The following FAM171B variants were observed in gnomAD, a reference collection of about 807,000 sequenced individuals.
The protein encoded by FAM171B is family with sequence similarity 171 member B.
A neutral mutation model predicts 75.6 loss-of-function variants in FAM171B; 19 were observed. That is an observed-to-expected ratio of 0.25 (90% confidence interval 0.18 to 0.37). FAM171B has a LOEUF of 0.37. Ranked by LOEUF, FAM171B falls within the 10% of genes least tolerant of loss-of-function variation. The pLI is 1.00. For missense variants in FAM171B, 848 were observed against 982.4 expected, an observed-to-expected ratio of 0.86 and a Z score of 1.83; for synonymous variants, 367 against 361.7, an observed-to-expected ratio of 1.01 and a Z score of -0.17.
At chr2:186,758,911 T>C (rs1690573829) in intron 6 of FAM171B, among the ~76,000 whole-genome samples, 1 of 152,112 alleles carries the variant, frequency 6.6e-6, no homozygotes. Context: ...CTAGATCTTA[T>C]TCATTCTAAC....
rs148773125 is a variant in FAM171B at position 186,761,336 on chromosome 2, TTATAA to T, written c.1136+105_1136+109del. 1,095 of 1,455,312 alleles carry T rather than the reference TTATAA, an allele frequency of 7.5e-4. 4 individuals are homozygous for T. The African/African-American group carries it at 0.014, about 18-fold the overall frequency. 90.1% of individuals were successfully genotyped at this position (1,455,312 alleles called of 1,614,324 possible). ...TTTATTTGTAGAAATAAATTTAATC[TTATAA>T]TATATCCTTTTTTATTTTTAATCTA... On this transcript the variant is annotated intron_variant, in intron 7 of 7. Transcript: ENST00000304698.
intron 1 of FAM171B, among the ~76,000 whole-genome samples, chr2:186,710,590 C>T (rs1335140631): frequency 6.6e-6 from 1 of 152,120 alleles, no homozygotes; most frequent in Non-Finnish European, 1.5e-5. Context: ...GGCCCCAACA[C>T]CGTCTGTTTG....
rs57171143 is a variant in FAM171B at position 186,694,748 on chromosome 2, AACACACACACACACACACACAC to A, written c.238+362_238+383del. 8.3e-5 allele frequency among the ~76,000 whole-genome samples: 11 copies of A among 133,308 alleles called. No individual in the cohort carries two copies. In the East Asian group the frequency reaches 1.1e-3, roughly 13 times the overall value. The allele number at this position is 133,308 out of a possible 152,430, so 87.5% of individuals were successfully genotyped here. A position where few individuals can be genotyped will look rare whatever the true frequency, so the allele number is the denominator to read the frequency against. On this transcript the variant is annotated intron_variant, in intron 1 of 7. Coordinates refer to ENST00000304698, the MANE Select transcript of FAM171B (RefSeq NM_177454.4). ...TACCCTCTGCCCTGGGAATGACTGT[AACACACACACACACACACACAC>A]ACACACACACACACACACACACACC...
intron 1 of FAM171B, among the ~76,000 whole-genome samples, chr2:186,709,298 T>A (rs527370808): frequency 3.3e-5 from 5 of 152,166 alleles, no homozygotes; most frequent in Non-Finnish European, 7.3e-5. Context: ...CTTCATCCAG[T>A]AGTCTCTAGA....
At position 186,762,517 on chromosome 2, in the gene FAM171B, A is replaced by T. The variant is rs1320103869; in HGVS notation, c.2175A>T (p.Thr725=). The change falls in exon 8 of 8, where the codon ACA becomes ACT. Residue 725 remains threonine (T), a synonymous_variant. Transcript: ENST00000304698. The surrounding 1 kb of genome is among the most constrained non-coding windows in gnomAD (Gnocchi z 4.0). ...GTAGAAAGCTCGAGAGGGAGAAAAC[A>T]TTCATCAAAAGCATGCATCAGCCCA... ...HSSRKLEREK[T]FIKSMHQPKI... 6 of 1,613,462 alleles carry T rather than the reference A, an allele frequency of 3.7e-6. No homozygotes were observed. Among genetic ancestry groups the T allele is most frequent in the Non-Finnish European group, 5.1e-6 (6 of 1,179,754 alleles).
chr2:186,759,967 G>A (rs1203127239), intron 6 of FAM171B, among the ~76,000 whole-genome samples: 2 of 152,026 alleles, frequency 1.3e-5, no homozygotes, highest in African/African-American at 4.8e-5. Flanking sequence ...TTTGTATATG[G>A]TGAGAGATAA....
chr2:186,711,776 C>T (rs1255630012), intron 1 of FAM171B, among the ~76,000 whole-genome samples: 1 of 152,144 alleles, frequency 6.6e-6, no homozygotes, highest in Admixed American at 6.5e-5. Context: ...TCTGTTGACA[C>T]TTTTTTCTCA....
chr2:186,695,407 A>C (rs1334537425), intron 1 of FAM171B: 1 of 152,218 alleles, frequency 6.6e-6, no homozygotes, highest in African/African-American at 2.4e-5. Flanking sequence ...ATTTTCTGGC[A>C]CGAGGGCTTA....
chr2:186,697,078 C>T (rs542526435), intron 1 of FAM171B, among the ~76,000 whole-genome samples: 32 of 152,040 alleles, frequency 2.1e-4, no homozygotes, highest in African/African-American at 7.0e-4. Flanking sequence ...AGCATTTGTT[C>T]GTCTTCATTG....
intron 1 of FAM171B, 145 bp downstream of exon 1, chr2:186,694,556 T>G (rs1053093127): frequency 1.6e-6 from 2 of 1,212,332 alleles, no homozygotes; most frequent in Non-Finnish European, 2.2e-6. Flanking sequence ...CCAGACTGGC[T>G]GCCCAGCCTT....
intron 1 of FAM171B, among the ~76,000 whole-genome samples, chr2:186,701,203 G>T (rs1439134304): frequency 1.3e-5 from 2 of 152,126 alleles, no homozygotes; most frequent in Admixed American, 1.3e-4. Flanking sequence ...TTACAGATGT[G>T]AGCTACTGCA....
chr2:186,755,884 T>C lies in FAM171B; in HGVS notation c.1012+1835T>C, dbSNP rs993879633. ...TATTTATTCAGAAATCAGAGGGTGG[T>C]TACTTTTGCTTTTCATGATGCAAAA... On this transcript the variant is annotated intron_variant, in intron 6 of 7. Coordinates refer to ENST00000304698, the MANE Select transcript of FAM171B (RefSeq NM_177454.4). Among the ~76,000 whole-genome samples the C allele has an allele frequency of 3.3e-5, 5 of 152,316 alleles. 1 individual carries two copies. The highest frequency in any genetic ancestry group is 3.3e-4 in the Admixed American group (5 of 15,292).
At chr2:186,709,717 C>G (rs1223133141) in intron 1 of FAM171B, among the ~76,000 whole-genome samples, 2 of 152,164 alleles carry the variant, frequency 1.3e-5, no homozygotes, top group Non-Finnish European at 1.5e-5. Flanking sequence ...GCCATTTCCC[C>G]TAATGTATCA....
chr2:186,739,127 A>G (rs1652292703), intron 1 of FAM171B, among the ~76,000 whole-genome samples: 1 of 152,166 alleles, frequency 6.6e-6, no homozygotes, highest in South Asian at 2.1e-4. Flanking sequence ...CAGAAAGACC[A>G]TACAAAAGAT....
chr2:186,727,504 A>G (rs962609793), intron 1 of FAM171B, among the ~76,000 whole-genome samples: 1 of 152,190 alleles, frequency 6.6e-6, no homozygotes, highest in Non-Finnish European at 1.5e-5. Context: ...GCCAGATAGC[A>G]TTGTAGCAAA....
chr2:186,705,515 G>A (rs1427996382), intron 1 of FAM171B, among the ~76,000 whole-genome samples: 1 of 152,054 alleles, frequency 6.6e-6, no homozygotes, highest in South Asian at 2.1e-4. Context: ...ATTATCTAAC[G>A]TTCAATGTGC....
At position 186,715,288 on chromosome 2, in the gene FAM171B, G is replaced by A. The variant is rs1044662328; in HGVS notation, c.238+20877G>A. On this transcript the variant is annotated intron_variant, in intron 1 of 7. Transcript: ENST00000304698. Reference sequence around the variant, plus strand: ...CACAATCACAGCTCACTGCAGCCTCGACCTCCTGCACTCAAGCCATCCTCT... The same window carrying A: ...CACAATCACAGCTCACTGCAGCCTCAACCTCCTGCACTCAAGCCATCCTCT... Among the ~76,000 whole-genome samples, 22 of 151,934 alleles carry A rather than the reference G, an allele frequency of 1.4e-4. 1 individual carries two copies. Among genetic ancestry groups the A allele is most frequent in the Admixed American group, 1.2e-3 (18 of 15,232 alleles).
intron 1 of FAM171B, among the ~76,000 whole-genome samples, chr2:186,727,887 A>G (rs1031410403): frequency 1.3e-5 from 2 of 152,114 alleles, no homozygotes; most frequent in African/African-American, 4.8e-5. Context: ...TTATATTTAT[A>G]TAGATATAGT....
chr2:186,720,339 T>A (rs1257333438), intron 1 of FAM171B, among the ~76,000 whole-genome samples: 1 of 152,156 alleles, frequency 6.6e-6, no homozygotes, highest in African/African-American at 2.4e-5. Context: ...CACCTGGCCA[T>A]AATATTATTT....
Sources: gnomAD v4.1 joint callset for allele counts (sites outside exome capture counted in the v4.1 genomes callset) on GRCh38, gnomAD v4.1.1 for gene constraint, Gnocchi (gnomAD v3.1) non-coding constraint, MANE v1.5 for transcripts, NCBI Gene and HGNC (gene_info 2026-07-23, HGNC 2026-07-21) for gene names.